Variants in POLR2C observed in about 807,000 individuals in gnomAD.
POLR2C encodes the protein RNA polymerase II subunit C.
POLR2C carries 36 observed loss-of-function variants against 41.7 expected under a neutral mutation model. That is an observed-to-expected ratio of 0.86 (90% CI 0.66 to 1.14). The LOEUF (loss-of-function observed/expected upper bound fraction) is 1.14, where lower values mean the gene tolerates loss of function less well. POLR2C is among the 50% of genes most tolerant of loss of function. The probability of loss-of-function intolerance (pLI) is 0.00; values close to 1 mark genes in which losing one functional copy is unlikely to be tolerated. For missense variants in POLR2C, 260 were observed against 350.4 expected, an observed-to-expected ratio of 0.74 and a Z score of 2.06; for synonymous variants, 133 against 137.8, an observed-to-expected ratio of 0.96 and a Z score of 0.25.
chr16:57,464,642 T>C (rs2030658128), intron 2 of POLR2C, among the ~76,000 whole-genome samples: 2 of 152,004 alleles, frequency 1.3e-5, no homozygotes, highest in Non-Finnish European at 2.9e-5. Context: ...CATTGTAGTT[T>C]ATCCACTACC....
intron 4 of POLR2C, among the ~76,000 whole-genome samples, chr16:57,468,254 C>T (rs1598044151): frequency 1.3e-5 from 2 of 152,182 alleles, no homozygotes; most frequent in African/African-American, 4.8e-5. Context: ...TGGGCTCAAG[C>T]GATCCTCCCA....
chr16:57,469,475 GCTGCGCACCCTCTATCAC>G lies in POLR2C; in HGVS notation c.387+184_387+201del. On this transcript the variant is annotated intron_variant, in intron 5 of 8. Coordinates refer to ENST00000219252, the MANE Select transcript of POLR2C (RefSeq NM_032940.3). The surrounding 1 kb of genome is among the most constrained non-coding windows in gnomAD (Gnocchi z 5.8). ...CTTGGGCATCGTTAGCATCGTTGGT[GCTGCGCACCCTCTATCAC>G]CCAGGGACTCTTTTAAAGGCCATGG... The G allele has an allele frequency of 9.3e-6, 7 of 756,282 alleles. No individual in the cohort carries two copies. Among genetic ancestry groups the G allele is most frequent in the Middle Eastern group, 2.3e-4 (1 of 4,390 alleles). The allele number at this position is 756,282 out of a possible 1,614,324, so 46.8% of individuals were successfully genotyped here.
intron 4 of POLR2C, among the ~76,000 whole-genome samples, chr16:57,467,375 A>G (rs1393436948): frequency 6.6e-6 from 1 of 152,230 alleles, no homozygotes; most frequent in East Asian, 1.9e-4. Context: ...TAATAAATAA[A>G]ACATAGATAT....
Position 57,471,284 on chromosome 16 carries a change from G to T in POLR2C, c.*165G>T. The T allele has an allele frequency of 1.6e-6, 1 of 614,926 alleles. No homozygotes were observed. Among genetic ancestry groups the T allele is most frequent in the Non-Finnish European group, 2.9e-6 (1 of 348,086 alleles). The allele number at this position is 614,926 out of a possible 1,614,324, so 38.1% of individuals were successfully genotyped here. A position where few individuals can be genotyped will look rare whatever the true frequency, so the allele number is the denominator to read the frequency against. ...AAGTGGGTCATAGATAGATTACCAG[G>T]GATGCAGTGGTGTTTAGGCAGGATA... On this transcript the variant is annotated 3_prime_UTR_variant, in exon 9 of 9. Coordinates refer to ENST00000219252, the MANE Select transcript of POLR2C (RefSeq NM_032940.3).
In POLR2C at chr16:57,465,986, C is replaced by A; in HGVS notation, c.170C>A (p.Ser57Ter). The change falls in exon 3 of 9, where the codon TCA becomes TAA. Residue 57 changes from serine (S) to a stop codon, truncating the protein, a stop_gained. Transcript: ENST00000219252. LOFTEE classifies it high-confidence loss of function. ...IDWVQIDANSSVLHDEFIAHR... is the reference protein window; with the variant it reads ...IDWVQIDANS ...TGGGTTCAGATTGATGCCAATTCCT[C>A]AGTTCTTCATGATGAATTCATTGCT... The A allele has an allele frequency of 6.2e-7, 1 of 1,605,766 alleles. No individual in the cohort carries two copies. Among genetic ancestry groups the A allele is most frequent in the Non-Finnish European group, 8.5e-7 (1 of 1,172,466 alleles).
intron 4 of POLR2C, among the ~76,000 whole-genome samples, 164 bp downstream of exon 4, chr16:57,466,391 G>A (rs1452023185): frequency 6.6e-6 from 1 of 152,210 alleles, no homozygotes; most frequent in Admixed American, 6.5e-5. Flanking sequence ...CCTGCGTTCT[G>A]ATGGGGCTTC....
chr16:57,470,418 G>A lies in POLR2C; in HGVS notation c.683+64G>A, dbSNP rs535382412. ...AGAAGGGATGGTTTTGGTTCAGGCC[G>A]TGAGTTAGGCATTCCCTCTCCCCCA... On this transcript the variant is annotated intron_variant, in intron 8 of 8. Coordinates refer to ENST00000219252, the MANE Select transcript of POLR2C (RefSeq NM_032940.3). 2.3e-4 allele frequency: 282 copies of A among 1,230,266 alleles called. 3 individuals carry two copies. In the South Asian group the frequency reaches 3.5e-3, roughly 15 times the overall value. The allele number at this position is 1,230,266 out of a possible 1,614,324, so 76.2% of individuals were successfully genotyped here.
At position 57,469,197 on chromosome 16, in the gene POLR2C, C is replaced by CTCGGTGGAGT; in HGVS notation, c.294_303dup (p.Thr102GlyfsTer11). 1 of 1,614,150 alleles carries CTCGGTGGAGT rather than the reference C, an allele frequency of 6.2e-7. No homozygotes were observed. Among genetic ancestry groups the CTCGGTGGAGT allele is most frequent in the Non-Finnish European group, 8.5e-7 (1 of 1,179,998 alleles). On this transcript the variant is annotated frameshift_variant, in exon 5 of 9. Transcript: ENST00000219252. LOFTEE classifies it high-confidence loss of function. This position sits in a 1 kb window ranked among gnomAD's most constrained non-coding sequence, Gnocchi z 5.8. ...CATGTGAGGAGTTCTGCCCCGAGTGCTCGGTGGAGTTCACCCTCGATGTGC... is the reference window on the plus strand; with the variant it reads ...CATGTGAGGAGTTCTGCCCCGAGTGCTCGGTGGAGTTCGGTGGAGTTCACCCTCGATGTGC...
intron 2 of POLR2C, among the ~76,000 whole-genome samples, chr16:57,464,544 T>G (rs1046304348): frequency 2.6e-5 from 4 of 152,172 alleles, no homozygotes; most frequent in Non-Finnish European, 4.4e-5. Context: ...AGAGTTTGGA[T>G]TAGGCAAAAT....
rs1165318830 is a variant in POLR2C, at chr16:57,471,735, T to TGGGGGTGGG, written c.*618_*619insGGGTGGGGG. ...CCTCCAATGACCTGATCATTTAGTT[T>TGGGGGTGGG]GGTGGGGGTGGGGGTGGGGGTGGGG... On this transcript the variant is annotated 3_prime_UTR_variant, in exon 9 of 9. Transcript: ENST00000219252. The TGGGGGTGGG allele has an allele frequency of 1.0e-5, 1 of 100,324 alleles. No individual in the cohort carries two copies. The highest frequency in any genetic ancestry group is 4.2e-5 in the African/African-American group (1 of 24,006). The allele number at this position is 100,324 out of a possible 1,614,324, so 6.2% of individuals were successfully genotyped here.
At position 57,471,120 on chromosome 16, in the gene POLR2C, C is replaced by T; in HGVS notation, c.*1C>T. ...GAGTGATGTGCTAACCATAAATTAACTGCAGCTTGCCTGCTTCAGCAAAAA... is the reference window on the plus strand; with the variant it reads ...GAGTGATGTGCTAACCATAAATTAATTGCAGCTTGCCTGCTTCAGCAAAAA... On this transcript the variant is annotated 3_prime_UTR_variant, in exon 9 of 9. Transcript: ENST00000219252. 1 of 1,613,494 alleles carries T rather than the reference C, an allele frequency of 6.2e-7. No individual in the cohort carries two copies. Among genetic ancestry groups the T allele is most frequent in the Non-Finnish European group, 8.5e-7 (1 of 1,179,426 alleles).
chr16:57,462,883 G>T, intron 1 of POLR2C, 73 bp downstream of exon 1: 2 of 1,282,960 alleles, frequency 1.6e-6, no homozygotes, highest in Non-Finnish European at 2.2e-6. Context: ...CGGGGCAGGG[G>T]GCGGGGGTGT....
At chr16:57,466,056 G>C in intron 3 of POLR2C, 35 bp downstream of exon 3, 1 of 1,469,344 alleles carries the variant, frequency 6.8e-7, no homozygotes, top group South Asian at 1.1e-5. Flanking sequence ...TTAAAGGGAG[G>C]GTATTGTGCC....
chr16:57,468,206 A>G (rs1264410860), intron 4 of POLR2C, among the ~76,000 whole-genome samples: 1 of 152,148 alleles, frequency 6.6e-6, no homozygotes, highest in Non-Finnish European at 1.5e-5. Flanking sequence ...TTTTGTAGAG[A>G]CAGTCTTGCC....
chr16:57,470,171 T>C (rs765200737), intron 7 of POLR2C, 42 bp downstream of exon 7: 1 of 1,601,544 alleles, frequency 6.2e-7, no homozygotes, highest in Admixed American at 1.7e-5. Flanking sequence ...TTGGGGTGGG[T>C]GTGGCATAGA....
Position 57,469,367 on chromosome 16 carries a change from G to GGGGT in POLR2C, c.387+75_387+78dup. 6.6e-7 allele frequency: 1 copy of GGGGT among 1,507,322 alleles called. No homozygotes were observed. 93.4% of individuals were successfully genotyped at this position (1,507,322 alleles called of 1,614,324 possible). A position where few individuals can be genotyped will look rare whatever the true frequency, so the allele number is the denominator to read the frequency against. ...TGGCTGGCTCCAAGTGGGCCAGACT[G>GGGGT]GGGTTGATCCTTAGAAAATGTTGGC... On this transcript the variant is annotated intron_variant, in intron 5 of 8. Coordinates refer to ENST00000219252, the MANE Select transcript of POLR2C (RefSeq NM_032940.3). This position sits in a 1 kb window ranked among gnomAD's most constrained non-coding sequence, Gnocchi z 5.8.
At chr16:57,467,452 T>C (rs538952259) in intron 4 of POLR2C, among the ~76,000 whole-genome samples, 4 of 152,352 alleles carry the variant, frequency 2.6e-5, no homozygotes, top group African/African-American at 9.6e-5. Flanking sequence ...ATACGCATGC[T>C]CTATCACCTA....
intron 2 of POLR2C, chr16:57,465,637 G>T (rs1397250307): frequency 3.7e-6 from 1 of 272,766 alleles, no homozygotes; most frequent in Non-Finnish European, 6.9e-6. Flanking sequence ...GGTGGCACAG[G>T]TAGCAGATTT....
In POLR2C at chr16:57,464,820, C is replaced by G. The variant is rs140060577; in HGVS notation, c.137-1133C>G. ...CCTGCCATTCTGAGTCTAAATGCCT[C>G]TTTCCCAACAAATTCAGTTCTACAA... On this transcript the variant is annotated intron_variant, in intron 2 of 8. Coordinates refer to ENST00000219252, the MANE Select transcript of POLR2C (RefSeq NM_032940.3). Among the ~76,000 whole-genome samples, 16 of 152,258 alleles carry G rather than the reference C, an allele frequency of 1.1e-4. No homozygotes were observed. The East Asian group carries it at 2.9e-3, about 28-fold the overall frequency.
Sources: allele counts gnomAD v4.1 joint callset (sites outside exome capture counted in the v4.1 genomes callset), GRCh38; gene constraint gnomAD v4.1.1; non-coding constraint Gnocchi (gnomAD v3.1); transcripts MANE v1.5; gene names NCBI Gene and HGNC (gene_info 2026-07-23, HGNC 2026-07-21).